The following HPS3 variants were observed in gnomAD, a reference collection of about 807,000 sequenced individuals.
HPS3 encodes the protein HPS3 biogenesis of lysosomal organelles complex 2 subunit 1.
A neutral mutation model predicts 110.9 loss-of-function variants in HPS3; 79 were observed. That is an observed-to-expected ratio of 0.71 (90% CI 0.59 to 0.86). The LOEUF (loss-of-function observed/expected upper bound fraction) is 0.86, where lower values mean the gene tolerates loss of function less well. HPS3 is among the 40% of genes least tolerant of loss of function. HPS3 has a pLI of 0.00. For synonymous variants in HPS3, 428 were observed against 451.0 expected (o/e 0.95, Z 0.65); for missense variants, 1,197 against 1,206.2 (o/e 0.99, Z 0.11).
chr3:149,136,811 A>G (rs994210507), intron 1 of HPS3, among the ~76,000 whole-genome samples: 3 of 152,336 alleles, frequency 2.0e-5, no homozygotes, highest in Middle Eastern at 3.4e-3. Flanking sequence ...TTTGCATACT[A>G]TAAACATTAG....
intron 15 of HPS3, among the ~76,000 whole-genome samples, chr3:149,167,662 A>C (rs1351983701): frequency 1.3e-5 from 2 of 152,256 alleles, no homozygotes; most frequent in Admixed American, 6.5e-5. Flanking sequence ...AGCCATGTAC[A>C]TATGTACAAT....
chr3:149,162,806 A>T lies in HPS3; in HGVS notation c.2409A>T (p.Thr803=). The change falls in exon 13 of 17, where the codon ACA becomes ACT. Residue 803 remains threonine, a synonymous_variant. Transcript: ENST00000296051. ...VVLQELFFKL[T]SQYIWRLSKR... The stretch of plus-strand genomic sequence containing the variant: ...TTCAGGAACTCTTTTTCAAACTCAC[A>T]TCACAGTACATCTGGAGATTGTCTA... The T allele has an allele frequency of 6.2e-7, 1 of 1,614,072 alleles. No individual in the cohort carries two copies. The highest frequency in any genetic ancestry group is 8.5e-7 in the Non-Finnish European group (1 of 1,179,968).
intron 1 of HPS3, among the ~76,000 whole-genome samples, chr3:149,134,490 G>A (rs1359969537): frequency 6.6e-6 from 1 of 152,186 alleles, no homozygotes; most frequent in African/African-American, 2.4e-5. Flanking sequence ...GGAGTGGCAG[G>A]TATTATGTAA....
At chr3:149,144,230 A>T (rs1009838757) in intron 4 of HPS3, among the ~76,000 whole-genome samples, 11 of 148,046 alleles carry the variant, frequency 7.4e-5, no homozygotes, top group African/African-American at 2.5e-4. Context: ...AAAAAAAAAA[A>T]AAATTAGCCA....
rs756295432 is a variant in HPS3 at position 149,150,663 on chromosome 3, A to T, written c.1228A>T (p.Met410Leu). 6.2e-7 allele frequency: 1 copy of T among 1,613,744 alleles called. No individual in the cohort carries two copies. The highest frequency in any genetic ancestry group is 8.5e-7 in the Non-Finnish European group (1 of 1,179,616). ...GGCAGCTCGTGAGGAGGACCCGTACATGGACACCACCCTGAAGGTAAGAAC... is the reference window on the plus strand; with the variant it reads ...GGCAGCTCGTGAGGAGGACCCGTACTTGGACACCACCCTGAAGGTAAGAAC... Reference protein sequence around the residue: ...AAAAREEDPYMDTTLKACPPV... With the variant: ...AAAAREEDPYLDTTLKACPPV... The change falls in exon 6 of 17, where the codon ATG becomes TTG. Residue 410 changes from methionine (M) to leucine (L), a missense_variant. Met to Leu is a conservative substitution (Grantham distance 15). Coordinates refer to ENST00000296051, the MANE Select transcript of HPS3 (RefSeq NM_032383.5).
chr3:149,148,355 G>GC (rs1032712171), intron 5 of HPS3, among the ~76,000 whole-genome samples: 6 of 148,648 alleles, frequency 4.0e-5, no homozygotes, highest in Admixed American at 6.7e-5. Flanking sequence ...AAGTAGGAAA[G>GC]CCCCCCATGA....
At chr3:149,137,442 T>TA (rs1185351608) in intron 1 of HPS3, among the ~76,000 whole-genome samples, 1 of 152,164 alleles carries the variant, frequency 6.6e-6, no homozygotes, top group African/African-American at 2.4e-5. Flanking sequence ...AACATAGAAT[T>TA]ACCATATGAT....
chr3:149,142,025 T>G (rs1170637360), intron 4 of HPS3, among the ~76,000 whole-genome samples: 1 of 151,910 alleles, frequency 6.6e-6, no homozygotes, highest in Non-Finnish European at 1.5e-5. Flanking sequence ...TAATTTTGTA[T>G]TTTTAGTAGA....
intron 4 of HPS3, among the ~76,000 whole-genome samples, 166 bp downstream of exon 4, chr3:149,141,546 T>TG (rs1256154736): frequency 9.3e-5 from 14 of 149,900 alleles, no homozygotes; most frequent in Non-Finnish European, 1.9e-4. Context: ...TTTTTTTTTT[T>TG]TTTTTTGAGA....
At chr3:149,162,633 C>G (rs978896217) in intron 12 of HPS3, 57 bp from the exon 13 acceptor site, 8 of 1,548,512 alleles carry the variant, frequency 5.2e-6, no homozygotes, top group African/African-American at 1.4e-5. Context: ...GCCCAGCTGT[C>G]GCTTTATCAG....
At chr3:149,170,802 G>A (rs73866990) in intron 16 of HPS3, among the ~76,000 whole-genome samples, 1,975 of 152,234 alleles carry the variant, frequency 0.013, 38 homozygotes, top group African/African-American at 0.045. Context: ...GGCATGCAAC[G>A]ATCACACAGG....
intron 16 of HPS3, among the ~76,000 whole-genome samples, 154 bp from the exon 17 acceptor site, chr3:149,171,941 G>A (rs6773300): frequency 1.5e-4 from 23 of 151,930 alleles, no homozygotes; most frequent in African/African-American, 4.3e-4. Context: ...TCCTGACCTC[G>A]TGATCTGCCC....
chr3:149,168,144 A>G, intron 16 of HPS3, 161 bp downstream of exon 16: 1 of 613,876 alleles, frequency 1.6e-6, no homozygotes, highest in East Asian at 2.8e-5. Context: ...TCCCCTTGAC[A>G]TTTGATATTG....
At chr3:149,147,440 A>G (rs1722843490) in intron 5 of HPS3, among the ~76,000 whole-genome samples, 1 of 152,204 alleles carries the variant, frequency 6.6e-6, no homozygotes. Context: ...AAAGACAAAG[A>G]TTTTTAAGGA....
Position 149,172,109 on chromosome 3 carries a change from G to A in HPS3, c.2902G>A (p.Val968Ile). Residue 968 changes from valine to isoleucine, a missense_variant, in exon 17 of 17, where the codon GTT becomes ATT. Physicochemically the swap from Val to Ile is conservative, Grantham distance 29. Transcript: ENST00000296051. ...LSSLKETLSIVAVELELKDFM... is the reference protein window; with the variant it reads ...LSSLKETLSIIAVELELKDFM... ...TTTCTACACAGAAACATTGTCAATTGTTGCTGTGGAACTAGAACTGAAGGA... is the reference window on the plus strand; with the variant it reads ...TTTCTACACAGAAACATTGTCAATTATTGCTGTGGAACTAGAACTGAAGGA... 1 of 1,613,150 alleles carries A rather than the reference G, an allele frequency of 6.2e-7. No homozygotes were observed. The highest frequency in any genetic ancestry group is 8.5e-7 in the Non-Finnish European group (1 of 1,179,230).
chr3:149,163,832 T>A lies in HPS3; in HGVS notation c.2482-10T>A. 1 of 1,405,790 alleles carries A rather than the reference T, an allele frequency of 7.1e-7. No individual in the cohort carries two copies. The highest frequency in any genetic ancestry group is 1.0e-6 in the Non-Finnish European group (1 of 990,054). The allele number at this position is 1,405,790 out of a possible 1,614,324, so 87.1% of individuals were successfully genotyped here. On this transcript the variant is annotated splice_polypyrimidine_tract_variant and intron_variant, in intron 13 of 16. Transcript: ENST00000296051. ...ATATTTTGTTTATGAGAAATTCTTTTATGTTTTAGATAAATGCCTGTAGTC... is the reference window on the plus strand; with the variant it reads ...ATATTTTGTTTATGAGAAATTCTTTAATGTTTTAGATAAATGCCTGTAGTC...
intron 14 of HPS3, among the ~76,000 whole-genome samples, chr3:149,164,863 C>A (rs1724252359): frequency 6.6e-6 from 1 of 152,162 alleles, no homozygotes; most frequent in East Asian, 1.9e-4. Flanking sequence ...CATGCATCTT[C>A]ATCATTTGAT....
intron 14 of HPS3, chr3:149,165,882 C>G: frequency 2.5e-6 from 1 of 405,034 alleles, no homozygotes; most frequent in Non-Finnish European, 5.0e-6. Flanking sequence ...TCTCTGCCAT[C>G]TGATTGTCAG....
intron 5 of HPS3, among the ~76,000 whole-genome samples, chr3:149,147,892 C>T (rs4247200): frequency 0.21 from 31,655 of 151,986 alleles, 3,413 homozygotes; most frequent in African/African-American, 0.27. Context: ...CAAATCAAAT[C>T]GGAGTTTCTC....
Sources: allele counts gnomAD v4.1 joint callset (sites outside exome capture counted in the v4.1 genomes callset), GRCh38; gene constraint gnomAD v4.1.1; transcripts MANE v1.5; gene names NCBI Gene and HGNC (gene_info 2026-07-23, HGNC 2026-07-21).